Variants in SLC7A6 observed in about 807,000 individuals in gnomAD.
SLC7A6 encodes the protein Y+L amino acid transporter 2.
In SLC7A6, 29 loss-of-function variants were observed where a neutral mutation model predicts 46.6. The ratio of observed to expected loss-of-function variants is 0.62; its 90% CI spans 0.46 to 0.85. The LOEUF is 0.85. SLC7A6 is among the 40% of genes least tolerant of loss of function. The pLI is 0.00. For synonymous variants in SLC7A6, 276 were observed against 257.3 expected, an observed-to-expected ratio of 1.07 and a Z score of -0.70; for missense variants, 527 against 647.6, an observed-to-expected ratio of 0.81 and a Z score of 2.02.
At chr16:68,283,671 A>C (rs2042872114) in intron 3 of SLC7A6, among the ~76,000 whole-genome samples, 1 of 152,186 alleles carries the variant, frequency 6.6e-6, no homozygotes, top group Non-Finnish European at 1.5e-5. Flanking sequence ...TTCAGTTTGG[A>C]TCTGCCATTT....
rs79087422 is a variant in SLC7A6, at chr16:68,296,494, A to G, written c.1250A>G (p.Lys417Arg). ...CTCTACCTCCGCTGGAAGGAGCCCA[A>G]GCGGCCCCGGCCTCTCAAGGTCAGC... is the stretch of plus-strand genomic sequence containing the variant. The part of the protein sequence containing the change: ...GQLYLRWKEP[K>R]RPRPLKLSVF... The change falls in exon 9 of 11, where the codon AAG (lysine) becomes AGG (arginine). Residue 417 changes from lysine to arginine, a missense_variant. Transcript: ENST00000219343. The G allele has an allele frequency of 1.7e-3, 2,681 of 1,614,158 alleles. 10 individuals are homozygous for G. The highest frequency in any genetic ancestry group is 6.1e-3 in the Middle Eastern group (37 of 6,062).
Position 68,294,710 on chromosome 16 carries a change from T to A in SLC7A6, c.1028T>A (p.Phe343Tyr), listed in dbSNP as rs1462335425. 8 of 1,612,386 alleles carry A rather than the reference T, an allele frequency of 5.0e-6. No individual in the cohort carries two copies. The highest frequency in any genetic ancestry group is 5.1e-6 in the Non-Finnish European group (6 of 1,178,400). ...CACATTTCTCATCCTTCTAGGTTGT[T>A]CTTCGTGGGCTCCCGGGAGGGCCAC... ...NASIFASSRL[F>Y]FVGSREGHLP... is the part of the protein sequence containing the mutation. The change falls in exon 8 of 11, where the codon TTC (phenylalanine) becomes TAC (tyrosine). Residue 343 changes from phenylalanine to tyrosine, a missense_variant. By Grantham distance (22) the Phe-to-Tyr change is conservative. Coordinates refer to ENST00000219343, the MANE Select transcript of SLC7A6 (RefSeq NM_003983.6).
intron 3 of SLC7A6, among the ~76,000 whole-genome samples, chr16:68,278,973 C>T (rs929860838): frequency 5.9e-5 from 9 of 151,912 alleles, no homozygotes; most frequent in Non-Finnish European, 7.4e-5. Context: ...GGCGGCTGGC[C>T]GGGCAGGGGC....
chr16:68,274,713 A>C lies in SLC7A6; in HGVS notation c.-14A>C. ...CAGGCCACAGCAAACACAGGTGTGC[A>C]GGAACCGTTTGTCATGGAAGCCAGG... On this transcript the variant is annotated 5_prime_UTR_variant, in exon 3 of 11. Coordinates refer to ENST00000219343, the MANE Select transcript of SLC7A6 (RefSeq NM_003983.6). 3.7e-6 allele frequency: 6 copies of C among 1,613,756 alleles called. No homozygotes were observed. The highest frequency in any genetic ancestry group is 5.1e-6 in the Non-Finnish European group (6 of 1,179,706).
At chr16:68,280,252 A>G (rs8063254) in intron 3 of SLC7A6, among the ~76,000 whole-genome samples, 6,366 of 152,232 alleles carry the variant, frequency 0.042, 408 homozygotes, top group African/African-American at 0.14. Context: ...CTTGAAATTG[A>G]GGCATGAGAG....
intron 10 of SLC7A6, 98 bp from the exon 11 acceptor site, chr16:68,297,136 G>A (rs1414040971): frequency 9.0e-7 from 1 of 1,113,528 alleles, no homozygotes; most frequent in Non-Finnish European, 1.3e-6. Context: ...TAAGGGGCAG[G>A]TGGCGAGGGA....
At chr16:68,269,586 C>T (rs1308062973) in intron 2 of SLC7A6, among the ~76,000 whole-genome samples, 2 of 152,006 alleles carry the variant, frequency 1.3e-5, no homozygotes, top group Admixed American at 6.6e-5. Context: ...GGTTATCCTC[C>T]ATCCATACCC....
In SLC7A6 at chr16:68,291,766, T is replaced by G. The variant is rs1009726618; in HGVS notation, c.1022+105T>G. The G allele has an allele frequency of 1.9e-5, 10 of 537,080 alleles. No individual in the cohort carries two copies. The African/African-American group carries it at 1.9e-4, about 10-fold the overall frequency. 33.3% of individuals were successfully genotyped at this position (537,080 alleles called of 1,614,324 possible). A position where few individuals can be genotyped will look rare whatever the true frequency, so the allele number is the denominator to read the frequency against. On this transcript the variant is annotated intron_variant, in intron 7 of 10. Transcript: ENST00000219343. Reference sequence around the variant, plus strand: ...CTCCTTCTCATGGGCATATAGGGTGTGTGTGTGTGTGTGTGTGTGTGTGTG... The same window carrying G: ...CTCCTTCTCATGGGCATATAGGGTGGGTGTGTGTGTGTGTGTGTGTGTGTG...
At chr16:68,269,564 C>T (rs2042589552) in intron 2 of SLC7A6, among the ~76,000 whole-genome samples, 1 of 151,968 alleles carries the variant, frequency 6.6e-6, no homozygotes, top group African/African-American at 2.4e-5. Flanking sequence ...AGGAGGGAGG[C>T]TTTTTCTCAG....
chr16:68,301,030 T>G lies in SLC7A6; in HGVS notation c.*3702T>G. The G allele has an allele frequency of 6.0e-6, 7 of 1,164,076 alleles. No homozygotes were observed. In the South Asian group the frequency reaches 1.7e-4, roughly 28 times the overall value. 72.1% of individuals were successfully genotyped at this position (1,164,076 alleles called of 1,614,324 possible). ...AAGAAACCTTCCTTTTTTCAACGTT[T>G]TTTTTTCTTTCAAACTGTAGGGTCA... On this transcript the variant is annotated 3_prime_UTR_variant, in exon 11 of 11. Coordinates refer to ENST00000219343, the MANE Select transcript of SLC7A6 (RefSeq NM_003983.6).
chr16:68,296,898 T>G (rs1270514496), intron 10 of SLC7A6, 88 bp downstream of exon 10: 1 of 1,425,104 alleles, frequency 7.0e-7, no homozygotes, highest in Non-Finnish European at 9.6e-7. Context: ...TTCCCCATAC[T>G]CAGAATTTGC....
chr16:68,276,070 C>G (rs937309294), intron 3 of SLC7A6, among the ~76,000 whole-genome samples: 2 of 152,170 alleles, frequency 1.3e-5, no homozygotes, highest in Non-Finnish European at 2.9e-5. Context: ...CCCACAGGAC[C>G]CTTTCCTGTC....
intron 3 of SLC7A6, chr16:68,284,734 G>T: frequency 6.4e-6 from 4 of 624,154 alleles, no homozygotes; most frequent in South Asian, 7.1e-5. Context: ...CCAGGATATT[G>T]TCAGACAGTC....
In SLC7A6 at chr16:68,267,287, C is replaced by T. The variant is rs143513790; in HGVS notation, c.-37+566C>T. ...GGAGTGCAATGGTGCGATCTTGGCT[C>T]ACTGTAACCTCCACCTCCCGGGTTC... On this transcript the variant is annotated intron_variant, in intron 2 of 10. Transcript: ENST00000219343. Among the ~76,000 whole-genome samples the T allele has an allele frequency of 3.0e-3, 432 of 146,020 alleles. 2 individuals are homozygous for T. The highest frequency in any genetic ancestry group is 5.2e-3 in the Non-Finnish European group (347 of 67,294).
chr16:68,285,305 G>A (rs558945624), intron 3 of SLC7A6, among the ~76,000 whole-genome samples: 1 of 152,268 alleles, frequency 6.6e-6, no homozygotes, highest in East Asian at 1.9e-4. Flanking sequence ...GGAAGGGGGA[G>A]CAATTCCCAA....
chr16:68,274,951 C>T lies in SLC7A6; in HGVS notation c.225C>T (p.Ala75=), dbSNP rs2042682891. ...VSPKGVLVHT[A]SYGMSLIVWA... is the part of the protein sequence containing the mutation. ...CCAAGGGTGTGCTGGTACACACTGC[C>T]TCCTATGGGATGTCACTGATTGTGT... Residue 75 remains alanine (A), a synonymous_variant, in exon 3 of 11, where the codon GCC becomes GCT. Coordinates refer to ENST00000219343, the MANE Select transcript of SLC7A6 (RefSeq NM_003983.6). 4 of 1,614,096 alleles carry T rather than the reference C, an allele frequency of 2.5e-6. No homozygotes were observed. Among genetic ancestry groups the T allele is most frequent in the South Asian group, 2.2e-5 (2 of 91,086 alleles).
At chr16:68,274,162 G>A (rs986016180) in intron 2 of SLC7A6, among the ~76,000 whole-genome samples, 1 of 152,150 alleles carries the variant, frequency 6.6e-6, no homozygotes, top group Non-Finnish European at 1.5e-5. Flanking sequence ...CTCATGTTCT[G>A]TACTGGCCTG....
At chr16:68,273,260 C>G (rs1318733706) in intron 2 of SLC7A6, among the ~76,000 whole-genome samples, 1 of 152,146 alleles carries the variant, frequency 6.6e-6, no homozygotes, top group Non-Finnish European at 1.5e-5. Flanking sequence ...CAGATTCGGG[C>G]ACATCACATA....
Position 68,287,898 on chromosome 16 carries a change from C to T in SLC7A6, c.649+27C>T, listed in dbSNP as rs564521543. 3.8e-5 allele frequency: 61 copies of T among 1,608,988 alleles called. No individual in the cohort carries two copies. In the South Asian group the frequency reaches 6.6e-4, roughly 17 times the overall value. Reference sequence around the variant, plus strand: ...TAAGTGGTGGGAAGGGGGGTACCACCAACAGTTCCTCTGGATTCCCTGAGG... The same window carrying T: ...TAAGTGGTGGGAAGGGGGGTACCACTAACAGTTCCTCTGGATTCCCTGAGG... On this transcript the variant is annotated intron_variant, in intron 4 of 10. Coordinates refer to ENST00000219343, the MANE Select transcript of SLC7A6 (RefSeq NM_003983.6).
Sources: allele counts gnomAD v4.1 joint callset (sites outside exome capture counted in the v4.1 genomes callset), GRCh38; gene constraint gnomAD v4.1.1; transcripts MANE v1.5; gene names NCBI Gene and HGNC (gene_info 2026-07-23, HGNC 2026-07-21).